HACL1: variants seen among roughly 807,000 people sequenced by gnomAD.
The protein encoded by HACL1 is 2-hydroxyacyl-CoA lyase 1.
Under a neutral mutation model 74.2 loss-of-function variants are expected in HACL1, and 64 were observed. That is an observed-to-expected ratio of 0.86 (90% confidence interval 0.70 to 1.06). The LOEUF is 1.06. Ranked by LOEUF, HACL1 falls within the 50% of genes least tolerant of loss-of-function variation. HACL1 has a pLI of 0.00. For synonymous variants in HACL1, 230 were observed against 238.8 expected, an observed-to-expected ratio of 0.96 and a Z score of 0.34; for missense variants, 728 against 719.7, an observed-to-expected ratio of 1.01 and a Z score of -0.13.
chr3:15,576,170 A>T (rs2125247411), intron 9 of HACL1, among the ~76,000 whole-genome samples: 1 of 151,440 alleles, frequency 6.6e-6, no homozygotes, highest in Middle Eastern at 3.4e-3. Context: ...AAAAAAAAAA[A>T]AAAAAAAGGT....
chr3:15,568,552 T>C lies in HACL1; in HGVS notation c.1130A>G (p.Tyr377Cys), dbSNP rs749185994. The C allele has an allele frequency of 6.3e-7, 1 of 1,576,180 alleles. No homozygotes were observed. The highest frequency in any genetic ancestry group is 2.2e-5 in the East Asian group (1 of 44,616). ...TTGAACATGGTAGAATACTGTGTAA[T>C]AATTCATAGGCAGGGATTTTTTAGA... ...LASKKSLPMN[Y>C]YTVFYHVQEQ... Residue 377 changes from tyrosine (Y) to cysteine (C), a missense_variant, in exon 13 of 17, where the codon TAT becomes TGT. By Grantham distance (194) the Tyr-to-Cys change is radical (BLOSUM62 -2). Coordinates refer to ENST00000321169, the MANE Select transcript of HACL1 (RefSeq NM_012260.4).
Position 15,565,279 on chromosome 3 carries a change from C to A in HACL1, c.1410-621G>T, listed in dbSNP as rs143709243. ...AAGTCTAGATGGTATATGAAGAACA[C>A]CTTCCCTATTTAATACTCTCTAAAG... On this transcript the variant is annotated intron_variant, in intron 14 of 16. Transcript: ENST00000321169. Among the ~76,000 whole-genome samples the A allele has an allele frequency of 3.3e-3, 498 of 152,254 alleles. 3 individuals carry two copies. The highest frequency in any genetic ancestry group is 0.01 in the African/African-American group (436 of 41,550).
At chr3:15,565,744 T>G (rs1464898472) in intron 14 of HACL1, among the ~76,000 whole-genome samples, 1 of 152,206 alleles carries the variant, frequency 6.6e-6, no homozygotes, top group Admixed American at 6.5e-5. Flanking sequence ...TGTATATCAC[T>G]TGGTTGTCAA....
At chr3:15,587,153 T>C (rs1030002420) in intron 5 of HACL1, among the ~76,000 whole-genome samples, 1 of 151,824 alleles carries the variant, frequency 6.6e-6, no homozygotes, top group African/African-American at 2.4e-5. Flanking sequence ...TTTCTCTTGA[T>C]GTTTTAGTAT....
chr3:15,586,657 T>G, intron 5 of HACL1, 55 bp from the exon 6 acceptor site: 2 of 963,714 alleles, frequency 2.1e-6, no homozygotes, highest in Non-Finnish European at 3.3e-6. Flanking sequence ...GTTACTCTCC[T>G]GAAAGAAGAC....
intron 2 of HACL1, among the ~76,000 whole-genome samples, chr3:15,599,543 T>C (rs1023419801): frequency 6.6e-5 from 10 of 152,108 alleles, no homozygotes; most frequent in Non-Finnish European, 1.5e-4. Context: ...TCTTTTTAGA[T>C]TTCCCACAAC....
intron 9 of HACL1, among the ~76,000 whole-genome samples, chr3:15,578,703 C>T (rs1354711663): frequency 6.6e-6 from 1 of 152,074 alleles, no homozygotes; most frequent in Non-Finnish European, 1.5e-5. Context: ...GTGGTGGCTC[C>T]CAAGCAGCTG....
chr3:15,575,783 C>T (rs146952120), intron 9 of HACL1, among the ~76,000 whole-genome samples: 145 of 152,154 alleles, frequency 9.5e-4, no homozygotes, highest in African/African-American at 3.4e-3. Context: ...TCAAGTGATT[C>T]GCCCACCTTG....
At chr3:15,568,215 A>G (rs2063468460) in intron 13 of HACL1, among the ~76,000 whole-genome samples, 1 of 152,236 alleles carries the variant, frequency 6.6e-6, no homozygotes, top group African/African-American at 2.4e-5. Flanking sequence ...GACTATAAAC[A>G]TATTCCTAGA....
At chr3:15,566,039 A>T (rs78986592) in intron 14 of HACL1, among the ~76,000 whole-genome samples, 248 of 152,250 alleles carry the variant, frequency 1.6e-3, no homozygotes, top group Non-Finnish European at 3.0e-3. Context: ...TATATCAGGG[A>T]CTTACTTGAG....
At chr3:15,591,503 C>T in intron 4 of HACL1, 97 bp downstream of exon 4, 11 of 589,964 alleles carry the variant, frequency 1.9e-5, no homozygotes, top group Admixed American at 3.4e-5. Flanking sequence ...TTTTTTTTTT[C>T]CAAGTCTTTC....
chr3:15,568,290 A>C, intron 13 of HACL1, 142 bp downstream of exon 13: 1 of 627,900 alleles, frequency 1.6e-6, no homozygotes, highest in East Asian at 2.7e-5. Context: ...ACAAAACCTC[A>C]CCTAAGGATA....
chr3:15,597,642 A>G (rs933842021), intron 2 of HACL1, among the ~76,000 whole-genome samples: 25 of 128,596 alleles, frequency 1.9e-4, no homozygotes, highest in Admixed American at 1.2e-3. Flanking sequence ...GAAAAAAAAA[A>G]AAAGGAAATG....
chr3:15,565,610 T>A (rs2063420724), intron 14 of HACL1, among the ~76,000 whole-genome samples: 1 of 152,204 alleles, frequency 6.6e-6, no homozygotes, highest in Admixed American at 6.5e-5. Context: ...CAAGGGCAAG[T>A]GGTAAAAACA....
intron 3 of HACL1, among the ~76,000 whole-genome samples, chr3:15,591,974 TATAC>T (rs2063909032): frequency 6.7e-6 from 1 of 149,438 alleles, no homozygotes; most frequent in Non-Finnish European, 1.5e-5. Flanking sequence ...AGTGTATATA[TATAC>T]ACACTATATA....
intron 3 of HACL1, among the ~76,000 whole-genome samples, chr3:15,595,582 G>A (rs1444867618): frequency 6.7e-6 from 1 of 150,022 alleles, no homozygotes; most frequent in Non-Finnish European, 1.5e-5. Context: ...GAGATCATAG[G>A]TGATTTTCTT....
Position 15,568,557 on chromosome 3 carries a change from C to T in HACL1, c.1125G>A (p.Met375Ile), listed in dbSNP as rs770803683. The part of the protein sequence containing the change: ...KELASKKSLP[M>I]NYYTVFYHVQ... ...CATGGTAGAATACTGTGTAATAATT[C>T]ATAGGCAGGGATTTTTTAGAAGCTA... The change falls in exon 13 of 17, where the codon ATG becomes ATA. Residue 375 changes from methionine to isoleucine, a missense_variant. Met to Ile is a conservative substitution (Grantham distance 10). Transcript: ENST00000321169. 10 of 1,567,444 alleles carry T rather than the reference C, an allele frequency of 6.4e-6. No homozygotes were observed. The highest frequency in any genetic ancestry group is 8.7e-6 in the Non-Finnish European group (10 of 1,147,764).
At chr3:15,594,051 G>A (rs1372812367) in intron 3 of HACL1, among the ~76,000 whole-genome samples, 9 of 152,014 alleles carry the variant, frequency 5.9e-5, no homozygotes, top group East Asian at 1.9e-4. Context: ...CACCCGCCTC[G>A]GCCTCCCAAA....
intron 3 of HACL1, among the ~76,000 whole-genome samples, chr3:15,594,716 T>C (rs2064024540): frequency 6.6e-6 from 1 of 152,242 alleles, no homozygotes; most frequent in African/African-American, 2.4e-5. Flanking sequence ...ACTGATAAAC[T>C]ATGATTTAAA....
Sources: allele counts gnomAD v4.1 joint callset (sites outside exome capture counted in the v4.1 genomes callset), GRCh38; gene constraint gnomAD v4.1.1; transcripts MANE v1.5; gene names NCBI Gene and HGNC (gene_info 2026-07-23, HGNC 2026-07-21).